Variants in STT3B observed in about 807,000 individuals in gnomAD.
STT3B encodes STT3 oligosaccharyltransferase complex catalytic subunit B.
A neutral mutation model predicts 96.8 loss-of-function variants in STT3B; 29 were observed. The ratio of observed to expected loss-of-function variants is 0.30; its 90% CI spans 0.22 to 0.41. The LOEUF (loss-of-function observed/expected upper bound fraction) is 0.41. Ranked by LOEUF, STT3B falls within the 10% of genes least tolerant of loss-of-function variation. The pLI is 1.00. For synonymous variants in STT3B, 367 were observed against 360.0 expected (o/e 1.02, Z -0.22); for missense variants, 640 against 1,022.3 (o/e 0.63, Z 5.10).
At chr3:31,537,306 A>G (rs901102845) in intron 1 of STT3B, among the ~76,000 whole-genome samples, 6 of 152,214 alleles carry the variant, frequency 3.9e-5, no homozygotes, top group Non-Finnish European at 7.3e-5. Flanking sequence ...AGATGACAAA[A>G]AGAGGCTGTT....
chr3:31,560,203 G>A (rs183934972), intron 1 of STT3B, among the ~76,000 whole-genome samples: 8 of 152,118 alleles, frequency 5.3e-5, no homozygotes, highest in Admixed American at 2.6e-4. Context: ...TTATTAATAT[G>A]TGGGGGTTTA....
chr3:31,626,531 C>T (rs912150947), intron 13 of STT3B, among the ~76,000 whole-genome samples: 3 of 152,052 alleles, frequency 2.0e-5, no homozygotes, highest in African/African-American at 7.2e-5. Context: ...TAAAATTGAT[C>T]GTGTTACTTT....
chr3:31,576,679 T>G (rs1190749359), intron 2 of STT3B, among the ~76,000 whole-genome samples, 175 bp downstream of exon 2: 5 of 152,138 alleles, frequency 3.3e-5, no homozygotes, highest in Non-Finnish European at 1.5e-5. Context: ...CCTCCTCCCC[T>G]TAATCCCCAA....
intron 5 of STT3B, among the ~76,000 whole-genome samples, chr3:31,606,653 G>A (rs1261650104): frequency 6.6e-6 from 1 of 152,218 alleles, no homozygotes; most frequent in Non-Finnish European, 1.5e-5. Flanking sequence ...GCAGAAGTTT[G>A]CTGGAGAGGT....
chr3:31,613,718 T>C (rs1699237307), intron 5 of STT3B, among the ~76,000 whole-genome samples: 1 of 152,024 alleles, frequency 6.6e-6, no homozygotes, highest in African/African-American at 2.4e-5. Flanking sequence ...TTATCAGGGC[T>C]TCAACAGGCT....
intron 15 of STT3B, among the ~76,000 whole-genome samples, chr3:31,634,228 G>A (rs1043852531): frequency 2.6e-5 from 4 of 152,128 alleles, no homozygotes; most frequent in African/African-American, 9.7e-5. Context: ...ATTGTCACAG[G>A]CATGAGGTAG....
Position 31,532,989 on chromosome 3 carries a change from G to A in STT3B, c.-10G>A. On this transcript the variant is annotated 5_prime_UTR_variant, in exon 1 of 16. Coordinates refer to ENST00000295770, the MANE Select transcript of STT3B (RefSeq NM_178862.3). The stretch of plus-strand genomic sequence containing the variant: ...GAGGAGGAGAGCTAGACCCGCCGCC[G>A]GGGCACAACATGGCGGAGCCCTCGG... 4 of 1,585,296 alleles carry A rather than the reference G, an allele frequency of 2.5e-6. No homozygotes were observed. Among genetic ancestry groups the A allele is most frequent in the South Asian group, 2.2e-5 (2 of 89,296 alleles).
intron 5 of STT3B, among the ~76,000 whole-genome samples, chr3:31,607,720 C>T (rs1699085008): frequency 6.7e-6 from 1 of 149,046 alleles, no homozygotes; most frequent in South Asian, 2.2e-4. Flanking sequence ...GCAAATAAAA[C>T]GTTGATTTCC....
intron 1 of STT3B, among the ~76,000 whole-genome samples, chr3:31,540,299 A>C (rs1009297324): frequency 4.6e-5 from 7 of 152,164 alleles, no homozygotes; most frequent in Non-Finnish European, 2.9e-5. Flanking sequence ...TAGCAGTATA[A>C]ATTTTAAAAC....
chr3:31,574,154 A>G (rs1016021340), intron 1 of STT3B, among the ~76,000 whole-genome samples: 17 of 152,126 alleles, frequency 1.1e-4, no homozygotes, highest in African/African-American at 4.1e-4. Context: ...TTCTTGCTAA[A>G]ATACTAGGCC....
chr3:31,594,523 G>A (rs572819579), intron 3 of STT3B, among the ~76,000 whole-genome samples: 40 of 151,694 alleles, frequency 2.6e-4, no homozygotes, highest in African/African-American at 9.0e-4. Flanking sequence ...TCCACCTCCC[G>A]GGTTCAAGTG....
intron 1 of STT3B, among the ~76,000 whole-genome samples, 175 bp from the exon 2 acceptor site, chr3:31,576,221 G>A (rs773759160): frequency 1.3e-5 from 2 of 151,866 alleles, no homozygotes; most frequent in Non-Finnish European, 2.9e-5. Flanking sequence ...AGTTGGGGGC[G>A]TTTTTATTTA....
chr3:31,540,605 TTAAA>T (rs1697242005), intron 1 of STT3B, among the ~76,000 whole-genome samples: 1 of 152,162 alleles, frequency 6.6e-6, no homozygotes, highest in South Asian at 2.1e-4. Flanking sequence ...GTTTTAAACT[TTAAA>T]TATTGGTGCT....
At chr3:31,634,065 T>G (rs1455159418) in intron 15 of STT3B, among the ~76,000 whole-genome samples, 1 of 152,220 alleles carries the variant, frequency 6.6e-6, no homozygotes, top group Non-Finnish European at 1.5e-5. Context: ...CGGTGTGATA[T>G]GTAAATGGAA....
chr3:31,634,658 C>T (rs1699725800), intron 15 of STT3B, among the ~76,000 whole-genome samples: 1 of 152,112 alleles, frequency 6.6e-6, no homozygotes, highest in South Asian at 2.1e-4. Context: ...GCAAAGCCGG[C>T]ATGACTAAGG....
At chr3:31,627,617 G>A (rs888976690) in intron 13 of STT3B, among the ~76,000 whole-genome samples, 2 of 152,200 alleles carry the variant, frequency 1.3e-5, no homozygotes, top group African/African-American at 4.8e-5. Flanking sequence ...TGCAGGTGTC[G>A]TGTGATGCAG....
In STT3B at chr3:31,564,321, A is replaced by G. The variant is rs1272383043; in HGVS notation, c.315-12075A>G. On this transcript the variant is annotated intron_variant, in intron 1 of 15. Transcript: ENST00000295770. The stretch of plus-strand genomic sequence containing the variant: ...TAACACATATTTTATTAACTTTACT[A>G]TATATACCAGGCACCGTCCTTGGTG... Among the ~76,000 whole-genome samples, 7 of 152,292 alleles carry G rather than the reference A, an allele frequency of 4.6e-5. No homozygotes were observed. The East Asian group carries it at 7.7e-4, about 17-fold the overall frequency.
chr3:31,584,435 G>C (rs918953083), intron 3 of STT3B, among the ~76,000 whole-genome samples: 11 of 152,214 alleles, frequency 7.2e-5, no homozygotes, highest in African/African-American at 2.6e-4. Context: ...TAAGTTTTAA[G>C]ATTAGCTTGT....
chr3:31,589,200 G>C (rs367856325), intron 3 of STT3B, among the ~76,000 whole-genome samples: 2 of 151,894 alleles, frequency 1.3e-5, no homozygotes, highest in South Asian at 2.1e-4. Context: ...GTGCTAATAC[G>C]TACTGGGTGC....
Sources: gnomAD v4.1 joint callset for allele counts (sites outside exome capture counted in the v4.1 genomes callset) on GRCh38, gnomAD v4.1.1 for gene constraint, MANE v1.5 for transcripts, NCBI Gene and HGNC (gene_info 2026-07-23, HGNC 2026-07-21) for gene names.